Variants in WDR64 observed in about 807,000 individuals in gnomAD.
WDR64 encodes WD repeat domain 64, also known as WD repeat-containing protein 64.
WDR64 carries 112 observed loss-of-function variants against 139.3 expected under a neutral mutation model. That is an observed-to-expected ratio of 0.80 (90% CI 0.69 to 0.94). WDR64 has a LOEUF of 0.94. Ranked by LOEUF, WDR64 falls within the 40% of genes least tolerant of loss-of-function variation. The pLI is 0.00. For missense variants in WDR64, 1,206 were observed against 1,293.1 expected (o/e 0.93, Z 1.03); for synonymous variants, 444 against 437.7 (o/e 1.01, Z -0.18).
At chr1:241,696,113 CA>C (rs541301982) in intron 8 of WDR64, among the ~76,000 whole-genome samples, 124 of 22,300 alleles carry the variant, frequency 5.6e-3, no homozygotes, top group Middle Eastern at 0.071. Flanking sequence ...GACCCAGTAT[CA>C]AAAAAAAAAA....
At chr1:241,762,227 A>G (rs1166159668) in intron 15 of WDR64, among the ~76,000 whole-genome samples, 1 of 152,256 alleles carries the variant, frequency 6.6e-6, no homozygotes, top group East Asian at 1.9e-4. Flanking sequence ...CACCGGCATG[A>G]AAACAACATT....
At chr1:241,727,830 A>G (rs1668904990) in intron 10 of WDR64, among the ~76,000 whole-genome samples, 1 of 152,082 alleles carries the variant, frequency 6.6e-6, no homozygotes. Context: ...GCTTGAGGCC[A>G]GGAGTTCAAA....
At chr1:241,670,953 A>G in intron 2 of WDR64, 121 bp from the exon 3 acceptor site, 1 of 671,040 alleles carries the variant, frequency 1.5e-6, no homozygotes. Flanking sequence ...CCTGACATTC[A>G]CAAAGCAGGG....
intron 21 of WDR64, 39 bp from the exon 22 acceptor site, chr1:241,779,965 A>G: frequency 2.8e-6 from 4 of 1,452,594 alleles, no homozygotes; most frequent in Non-Finnish European, 3.8e-6. Context: ...AGATAACATG[A>G]TATCTAATTA....
intron 7 of WDR64, among the ~76,000 whole-genome samples, chr1:241,687,185 T>G (rs554690825): frequency 6.6e-6 from 1 of 151,482 alleles, no homozygotes; most frequent in African/African-American, 2.4e-5. Context: ...ACACCTGTAA[T>G]CCCAGTTACT....
chr1:241,664,624 A>T (rs1665960683), intron 2 of WDR64, among the ~76,000 whole-genome samples: 1 of 152,046 alleles, frequency 6.6e-6, no homozygotes, highest in East Asian at 1.9e-4. Flanking sequence ...ATCAAGCCTC[A>T]TTGTCTCTGA....
intron 8 of WDR64, among the ~76,000 whole-genome samples, chr1:241,698,316 A>G (rs915194750): frequency 6.6e-6 from 1 of 152,070 alleles, no homozygotes; most frequent in African/African-American, 2.4e-5. Context: ...AAATTTGTCC[A>G]TATTGCCTCA....
In WDR64 at chr1:241,683,540, G is replaced by A; in HGVS notation, c.678G>A (p.Val226=). ...PMDHCLLCVC[V]VPLPDHLCRD... ...ATCACTGCCTCCTGTGTGTGTGTGT[G>A]GTGCCTTTGCCTGACCATCTCTGCC... is the stretch of plus-strand genomic sequence containing the variant. Residue 226 remains valine, a synonymous_variant, in exon 7 of 28, where the codon GTG becomes GTA. Coordinates refer to ENST00000437684, the MANE Select transcript of WDR64 (RefSeq NM_001367482.1). 1 of 1,551,676 alleles carries A rather than the reference G, an allele frequency of 6.4e-7. No individual in the cohort carries two copies. The highest frequency in any genetic ancestry group is 1.4e-5 in the African/African-American group (1 of 73,094).
At chr1:241,768,815 G>A (rs1658293095) in intron 16 of WDR64, among the ~76,000 whole-genome samples, 1 of 152,150 alleles carries the variant, frequency 6.6e-6, no homozygotes, top group Non-Finnish European at 1.5e-5. Flanking sequence ...TGTTGACCTT[G>A]GAATCTGGGT....
chr1:241,652,359 C>A lies in WDR64; in HGVS notation c.-126C>A, dbSNP rs974544843. On this transcript the variant is annotated 5_prime_UTR_variant, in exon 1 of 28. Transcript: ENST00000437684. ...TACCCGCACTATGGGATTTTAAGAT[C>A]AAAGGAATTAGACCTAGGGCAAAAA... 3.6e-5 allele frequency: 34 copies of A among 956,920 alleles called. No individual in the cohort carries two copies. In the Admixed American group the frequency reaches 7.0e-4, roughly 20 times the overall value. 59.3% of individuals were successfully genotyped at this position (956,920 alleles called of 1,614,324 possible).
chr1:241,771,380 G>GAGATC (rs1225249667), intron 18 of WDR64, among the ~76,000 whole-genome samples: 1 of 152,124 alleles, frequency 6.6e-6, no homozygotes, highest in African/African-American at 2.4e-5. Context: ...AATACAATTA[G>GAGATC]AGATCATGTC....
intron 4 of WDR64, among the ~76,000 whole-genome samples, chr1:241,674,968 T>TC (rs1553363038): frequency 1.1e-4 from 5 of 44,704 alleles, no homozygotes; most frequent in South Asian, 8.6e-4. Flanking sequence ...CCTCCCTTCT[T>TC]TTTCTTTCCT....
intron 21 of WDR64, among the ~76,000 whole-genome samples, chr1:241,777,206 T>A (rs1658684750): frequency 6.6e-6 from 1 of 152,154 alleles, no homozygotes; most frequent in Non-Finnish European, 1.5e-5. Flanking sequence ...TCCTTCCACC[T>A]CAGCCTCCTG....
chr1:241,757,649 G>GTTTTT (rs35256499), intron 15 of WDR64, among the ~76,000 whole-genome samples, 190 bp downstream of exon 15: 82 of 95,178 alleles, frequency 8.6e-4, no homozygotes, highest in East Asian at 1.1e-3. Context: ...CAATGGATTT[G>GTTTTT]TTTTTTTTTT....
At chr1:241,751,075 A>C (rs1406077130) in intron 14 of WDR64, among the ~76,000 whole-genome samples, 1 of 152,088 alleles carries the variant, frequency 6.6e-6, no homozygotes, top group African/African-American at 2.4e-5. Flanking sequence ...GAATACTTTC[A>C]TTCATTCATT....
At chr1:241,693,012 A>C (rs909906293) in intron 8 of WDR64, among the ~76,000 whole-genome samples, 28 of 152,340 alleles carry the variant, frequency 1.8e-4, no homozygotes, top group African/African-American at 6.5e-4. Flanking sequence ...CCGTTTCTTA[A>C]GAAAATGAAA....
intron 14 of WDR64, among the ~76,000 whole-genome samples, chr1:241,751,494 C>T (rs1023514411): frequency 3.3e-5 from 5 of 152,130 alleles, no homozygotes; most frequent in East Asian, 1.9e-4. Context: ...ACCCCCATCC[C>T]GGCTCCACAA....
chr1:241,673,219 C>T lies in WDR64; in HGVS notation c.380-1425C>T, dbSNP rs148607755. On this transcript the variant is annotated intron_variant, in intron 3 of 27. Transcript: ENST00000437684. ...GGGGGAGGGATAGCATTAGGAGATACACCTAATGCTAAATGACGAGTTAAT... is the reference window on the plus strand; with the variant it reads ...GGGGGAGGGATAGCATTAGGAGATATACCTAATGCTAAATGACGAGTTAAT... Among the ~76,000 whole-genome samples the T allele has an allele frequency of 2.8e-3, 418 of 151,930 alleles. 2 individuals are homozygous for T. Among genetic ancestry groups the T allele is most frequent in the Middle Eastern group, 0.014 (4 of 294 alleles).
chr1:241,764,734 T>C (rs752235344), intron 15 of WDR64, among the ~76,000 whole-genome samples: 4 of 152,168 alleles, frequency 2.6e-5, no homozygotes, highest in Non-Finnish European at 5.9e-5. Context: ...AAGAAAATGT[T>C]CTGGTTTCAG....
Sources: gnomAD v4.1 joint callset for allele counts (sites outside exome capture counted in the v4.1 genomes callset) on GRCh38, gnomAD v4.1.1 for gene constraint, MANE v1.5 for transcripts, NCBI Gene and HGNC (gene_info 2026-07-23, HGNC 2026-07-21) for gene names.